Variants in MINDY4B observed in about 807,000 individuals in gnomAD.
MINDY4B encodes inactive ubiquitin carboxyl-terminal hydrolase MINDY-4B.
MINDY4B carries 25 observed loss-of-function variants against 16.7 expected under a neutral mutation model. That is an observed-to-expected ratio of 1.49 (90% confidence interval 1.09 to 2.09). The LOEUF is 2.09. Ranked by LOEUF, MINDY4B falls within the 30% of genes most tolerant of loss-of-function variation. The pLI is 0.00. For missense variants in MINDY4B, 327 were observed against 168.4 expected (o/e 1.94, Z -5.21); for synonymous variants, 132 against 61.9 (o/e 2.13, Z -5.32).
intron 3 of MINDY4B, among the ~76,000 whole-genome samples, chr3:150,903,037 C>CA (rs1712153803): frequency 6.6e-6 from 1 of 152,168 alleles, no homozygotes; most frequent in African/African-American, 2.4e-5. Context: ...AAGAGAGACT[C>CA]AGAGTTTGGG....
At position 150,903,243 on chromosome 3, in the gene MINDY4B, A is replaced by G. The variant is rs966933548; in HGVS notation, c.309+6T>C. 7.5e-6 allele frequency: 3 copies of G among 398,372 alleles called. No homozygotes were observed. In the Admixed American group the frequency reaches 1.3e-4, roughly 18 times the overall value. The allele number at this position is 398,372 out of a possible 1,614,324, so 24.7% of individuals were successfully genotyped here. ...ATTTCATGTTTAATTGACAAGCTAT[A>G]CTTACCGTGGCCATTGCTAGGGAGA... is the stretch of plus-strand genomic sequence containing the variant. On this transcript the variant is annotated splice_donor_region_variant and intron_variant, in intron 3 of 11. Transcript: ENST00000465419.
At chr3:150,877,360 G>T (rs1277028735) in intron 10 of MINDY4B, among the ~76,000 whole-genome samples, 1 of 152,106 alleles carries the variant, frequency 6.6e-6, no homozygotes, top group African/African-American at 2.4e-5. Flanking sequence ...ATACCTAGTT[G>T]GCATTTTCAC....
intron 10 of MINDY4B, among the ~76,000 whole-genome samples, chr3:150,879,878 A>G (rs984554976): frequency 1.3e-5 from 2 of 152,208 alleles, no homozygotes; most frequent in African/African-American, 4.8e-5. Flanking sequence ...AAATCAGTGT[A>G]TGTATGGTCA....
intron 7 of MINDY4B, among the ~76,000 whole-genome samples, chr3:150,887,497 G>A (rs926075781): frequency 3.3e-5 from 5 of 152,206 alleles, no homozygotes; most frequent in Non-Finnish European, 5.9e-5. Flanking sequence ...ATCAAAACTT[G>A]TCTAATGAGG....
At chr3:150,892,762 T>C (rs149246637) in intron 5 of MINDY4B, among the ~76,000 whole-genome samples, 127 of 147,308 alleles carry the variant, frequency 8.6e-4, no homozygotes, top group African/African-American at 3.0e-3. Context: ...CTGGCCAACA[T>C]GGTGAAACCC....
intron 8 of MINDY4B, among the ~76,000 whole-genome samples, chr3:150,884,319 A>G (rs902336011): frequency 3.9e-5 from 6 of 152,222 alleles, no homozygotes; most frequent in African/African-American, 1.4e-4. Flanking sequence ...ATTGCCGCAT[A>G]CTAGTATGTG....
At chr3:150,876,489 G>T (rs1218678871) in intron 10 of MINDY4B, among the ~76,000 whole-genome samples, 1 of 152,142 alleles carries the variant, frequency 6.6e-6, no homozygotes. Flanking sequence ...TAATGGCCTG[G>T]CTCTCATCTC....
In MINDY4B at chr3:150,897,243, G is replaced by C. The variant is rs553210320; in HGVS notation, c.310-2938C>G. ...TGTAACAGAGGGGAGACTAGACAGAGAGAAAGATCTACAAACATGCACACA... is the reference window on the plus strand; with the variant it reads ...TGTAACAGAGGGGAGACTAGACAGACAGAAAGATCTACAAACATGCACACA... On this transcript the variant is annotated intron_variant, in intron 3 of 11. Transcript: ENST00000465419. 9.2e-5 allele frequency among the ~76,000 whole-genome samples: 14 copies of C among 152,136 alleles called. No individual in the cohort carries two copies. In the South Asian group the frequency reaches 2.5e-3, roughly 27 times the overall value.
At chr3:150,877,963 T>G (rs1435253357) in intron 10 of MINDY4B, among the ~76,000 whole-genome samples, 1 of 152,158 alleles carries the variant, frequency 6.6e-6, no homozygotes, top group Non-Finnish European at 1.5e-5. Context: ...ATGTGATCAT[T>G]GAATGTAGAT....
Position 150,893,385 on chromosome 3 carries a change from G to T in MINDY4B, c.460C>A (p.Gln154Lys). 2.8e-6 allele frequency: 2 copies of T among 702,710 alleles called. No individual in the cohort carries two copies. The highest frequency in any genetic ancestry group is 5.4e-5 in the East Asian group (2 of 37,288). 43.5% of individuals were successfully genotyped at this position (702,710 alleles called of 1,614,324 possible). The change falls in exon 5 of 12, where the codon CAA becomes AAA. Residue 154 changes from glutamine to lysine, a missense_variant. Physicochemically the swap from Gln to Lys is moderately conservative, Grantham distance 53 (BLOSUM62 1). Transcript: ENST00000465419. ...GGARSIQMAV[Q>K]GSIIKYLLFT... ...AACAAGTATTTGATGATGGATCCTT[G>T]CACAGCCATCTGAATGCTTCGGGCC... is the stretch of plus-strand genomic sequence containing the variant.
rs574026022 is a variant in MINDY4B, at chr3:150,870,925, T to C, written c.*120A>G. On this transcript the variant is annotated 3_prime_UTR_variant, in exon 12 of 12. Coordinates refer to ENST00000465419, the MANE Select transcript of MINDY4B (RefSeq NM_001351281.2). ...GAAAAAACTGCTAATGGTATATATA[T>C]ATATTTTTTGGTGGGGCTTGTGAAT... The C allele has an allele frequency of 2.1e-5, 13 of 605,788 alleles. No homozygotes were observed. Among genetic ancestry groups the C allele is most frequent in the Non-Finnish European group, 3.2e-5 (11 of 342,076 alleles). 37.5% of individuals were successfully genotyped at this position (605,788 alleles called of 1,614,324 possible).
chr3:150,876,349 A>G (rs1711497206), intron 10 of MINDY4B, among the ~76,000 whole-genome samples: 1 of 152,172 alleles, frequency 6.6e-6, no homozygotes, highest in African/African-American at 2.4e-5. Context: ...CGCTTAGAAC[A>G]TGCCTTTGTA....
At chr3:150,877,515 G>A (rs999352520) in intron 10 of MINDY4B, among the ~76,000 whole-genome samples, 1 of 152,156 alleles carries the variant, frequency 6.6e-6, no homozygotes, top group East Asian at 1.9e-4. Context: ...TATGCAGGAT[G>A]TTGTGAAATA....
Position 150,891,081 on chromosome 3 carries a change from CCTT to C in MINDY4B, c.541_543del (p.Lys181del), listed in dbSNP as rs1326719147. ...GCCGCGGCCAAGGCTTGCTCCTGCTCCTTCTTGCTTATTTCACATAAGCTATAA... is the reference window on the plus strand; with the variant it reads ...GCCGCGGCCAAGGCTTGCTCCTGCTCCTTGCTTATTTCACATAAGCTATAA... On this transcript the variant is annotated inframe_deletion, in exon 6 of 12. Transcript: ENST00000465419. 1 of 702,470 alleles carries C rather than the reference CCTT, an allele frequency of 1.4e-6. No homozygotes were observed. Among genetic ancestry groups the C allele is most frequent in the African/African-American group, 1.7e-5 (1 of 57,266 alleles). 43.5% of individuals were successfully genotyped at this position (702,470 alleles called of 1,614,324 possible). A position where few individuals can be genotyped will look rare whatever the true frequency, so the allele number is the denominator to read the frequency against.
chr3:150,901,843 C>T (rs905756084), intron 3 of MINDY4B, among the ~76,000 whole-genome samples: 14 of 152,026 alleles, frequency 9.2e-5, no homozygotes, highest in South Asian at 2.1e-4. Context: ...TTTTCGACAA[C>T]GAGAAAGAGC....
intron 8 of MINDY4B, among the ~76,000 whole-genome samples, chr3:150,884,556 A>G (rs1197709591): frequency 2.0e-5 from 3 of 152,242 alleles, no homozygotes; most frequent in Non-Finnish European, 4.4e-5. Flanking sequence ...CATGACTTAA[A>G]GGACATTAAC....
chr3:150,873,378 G>T lies in MINDY4B; in HGVS notation c.1060-11C>A. 1 of 702,006 alleles carries T rather than the reference G, an allele frequency of 1.4e-6. No individual in the cohort carries two copies. The highest frequency in any genetic ancestry group is 2.6e-6 in the Non-Finnish European group (1 of 384,470). 43.5% of individuals were successfully genotyped at this position (702,006 alleles called of 1,614,324 possible). A position where few individuals can be genotyped will look rare whatever the true frequency, so the allele number is the denominator to read the frequency against. The stretch of plus-strand genomic sequence containing the variant: ...CAGCATGCTGCCCACCTGGAAAGGG[G>T]AAGGGGAATGCAGATAAATATATAG... On this transcript the variant is annotated splice_polypyrimidine_tract_variant and intron_variant, in intron 10 of 11. Transcript: ENST00000465419.
chr3:150,884,517 A>C (rs1711576456), intron 8 of MINDY4B, among the ~76,000 whole-genome samples: 1 of 152,208 alleles, frequency 6.6e-6, no homozygotes, highest in Non-Finnish European at 1.5e-5. Flanking sequence ...TGTTGTATTT[A>C]TTTTAATACG....
At chr3:150,882,572 A>G (rs369874144) in intron 10 of MINDY4B, among the ~76,000 whole-genome samples, 1 of 7,104 alleles carries the variant, frequency 1.4e-4, no homozygotes, top group Non-Finnish European at 4.2e-4. Flanking sequence ...GTGTATATAT[A>G]TATATATATA....
Sources: gnomAD v4.1 joint callset for allele counts (sites outside exome capture counted in the v4.1 genomes callset) on GRCh38, gnomAD v4.1.1 for gene constraint, MANE v1.5 for transcripts, NCBI Gene and HGNC (gene_info 2026-07-23, HGNC 2026-07-21) for gene names.